Variants in SLC26A1 observed in about 807,000 individuals in gnomAD.
SLC26A1 encodes sulfate anion transporter 1.
A neutral mutation model predicts 14.5 loss-of-function variants in SLC26A1; 18 were observed. That is an observed-to-expected ratio of 1.24 (90% confidence interval 0.86 to 1.84). SLC26A1 has a LOEUF of 1.84. Among genes scored for constraint, SLC26A1 ranks in the 40% most tolerant of loss-of-function variants. The pLI is 0.00. For missense variants in SLC26A1, 1,049 were observed against 1,020.0 expected (o/e 1.03, Z -0.39); for synonymous variants, 505 against 492.0 (o/e 1.03, Z -0.35).
chr4:992,552 C>T (rs967187973), intron 1 of SLC26A1, among the ~76,000 whole-genome samples: 7 of 152,298 alleles, frequency 4.6e-5, no homozygotes, highest in African/African-American at 1.7e-4. Flanking sequence ...GGGTGACTGG[C>T]GTCTGTCTCC....
At chr4:991,827 C>T (rs1162901022) in intron 1 of SLC26A1, 97 bp from the exon 2 acceptor site, 68 of 1,532,894 alleles carry the variant, frequency 4.4e-5, no homozygotes, top group Non-Finnish European at 5.7e-5. Flanking sequence ...GCGGACCCCT[C>T]GCCCACCCAG....
Position 988,499 on chromosome 4 carries a change from G to A in SLC26A1, c.*334C>T. On this transcript the variant is annotated 3_prime_UTR_variant, in exon 3 of 3. Coordinates refer to ENST00000398516, the MANE Select transcript of SLC26A1 (RefSeq NM_022042.4). ...CTTGGCACCTTGGAGGCTGCATGAT[G>A]GCGGGGGACCCTTGTTCAAATAAGA... The A allele has an allele frequency of 8.7e-7, 1 of 1,144,122 alleles. No individual in the cohort carries two copies. Among genetic ancestry groups the A allele is most frequent in the South Asian group, 3.1e-5 (1 of 31,940 alleles). The allele number at this position is 1,144,122 out of a possible 1,614,324, so 70.9% of individuals were successfully genotyped here.
In SLC26A1 at chr4:990,657, C is replaced by A. The variant is rs919334310; in HGVS notation, c.577-295G>T. 4.3e-5 allele frequency: 20 copies of A among 467,666 alleles called. No homozygotes were observed. The East Asian group carries it at 7.4e-4, about 17-fold the overall frequency. 29.0% of individuals were successfully genotyped at this position (467,666 alleles called of 1,614,324 possible). On this transcript the variant is annotated intron_variant, in intron 2 of 2. Transcript: ENST00000398516. Reference sequence around the variant, plus strand: ...AGCCCGTTTTATTTCAGAATTAAGACCTCTGGTATCAGAAGGCAACCCCTT... The same window carrying A: ...AGCCCGTTTTATTTCAGAATTAAGAACTCTGGTATCAGAAGGCAACCCCTT...
Position 988,039 on chromosome 4 carries a change from T to C in SLC26A1, c.*794A>G. ...GCTGGGGGCTGCTCGGAAGACCCCT[T>C]GTTCCCCCACCTCCCGCCGAAGCAC... On this transcript the variant is annotated 3_prime_UTR_variant, in exon 3 of 3. Coordinates refer to ENST00000398516, the MANE Select transcript of SLC26A1 (RefSeq NM_022042.4). 1 of 1,486,496 alleles carries C rather than the reference T, an allele frequency of 6.7e-7. No homozygotes were observed. The highest frequency in any genetic ancestry group is 9.0e-7 in the Non-Finnish European group (1 of 1,114,264). 92.1% of individuals were successfully genotyped at this position (1,486,496 alleles called of 1,614,324 possible).
At chr4:987,003 T>G (rs1412324874), downstream of SLC26A1, 12 of 1,092,852 alleles carry the variant, frequency 1.1e-5, no homozygotes, top group Admixed American at 7.6e-5. Context: ...GGCGGTCACA[T>G]GGGGTGCGCG....
chr4:991,581 G>A lies in SLC26A1; in HGVS notation c.123C>T (p.Cys41=), dbSNP rs143974931. ...CCAGCGCCCGGACGCACAGCACACT[G>A]CACGAGCAGCTGCACCACAGCCTGG... ...LKARLWCSCS[C]SVLCVRALVQ... The change falls in exon 2 of 3, where the codon TGC becomes TGT. Residue 41 remains cysteine, a synonymous_variant. Transcript: ENST00000398516. 7.5e-6 allele frequency: 12 copies of A among 1,599,696 alleles called. No individual in the cohort carries two copies. Among genetic ancestry groups the A allele is most frequent in the South Asian group, 2.2e-5 (2 of 90,580 alleles).
chr4:988,983 A>G lies in SLC26A1; in HGVS notation c.1956T>C (p.Pro652=). The part of the protein sequence containing the change: ...ISLLLACCSP[P]VRDILSRGGF... ...CTCCTCTGCTCAGAATGTCTCTCAC[A>G]GGCGGGCTGCAGCAGGCTAGCAGCA... Residue 652 remains proline, a synonymous_variant, in exon 3 of 3, where the codon CCT becomes CCC. Transcript: ENST00000398516. 1 of 1,594,834 alleles carries G rather than the reference A, an allele frequency of 6.3e-7. No homozygotes were observed. The highest frequency in any genetic ancestry group is 8.5e-7 in the Non-Finnish European group (1 of 1,171,360).
At chr4:986,408 C>T (rs1221221922), downstream of SLC26A1, among the ~76,000 whole-genome samples, 11 of 152,334 alleles carry the variant, frequency 7.2e-5, no homozygotes, top group East Asian at 3.9e-4. Context: ...ACATTACCTA[C>T]GCACATCCTA....
rs1208113230 is a variant in SLC26A1, at chr4:989,585, C to T, written c.1354G>A (p.Gly452Arg). Residue 452 changes from glycine (G) to arginine (R), a missense_variant, in exon 3 of 3, where the codon GGG becomes AGG. Physicochemically the swap from Gly to Arg is moderately radical, Grantham distance 125. Coordinates refer to ENST00000398516, the MANE Select transcript of SLC26A1 (RefSeq NM_022042.4). ...AGGTCCCACACCTTGCGCAGGGCCCCCCGCAGGCTGACCACGATGACGCAG... is the reference window on the plus strand; with the variant it reads ...AGGTCCCACACCTTGCGCAGGGCCCTCCGCAGGCTGACCACGATGACGCAG... ...LACVIVVSLRGALRKVWDLPR... is the reference protein window; with the variant it reads ...LACVIVVSLRRALRKVWDLPR... 1.3e-6 allele frequency: 2 copies of T among 1,598,660 alleles called. No individual in the cohort carries two copies. Among genetic ancestry groups the T allele is most frequent in the Non-Finnish European group, 1.7e-6 (2 of 1,174,392 alleles).
At chr4:982,322 T>C (rs746908908) in intron 2 of SLC26A1, among the ~76,000 whole-genome samples, 38 of 151,950 alleles carry the variant, frequency 2.5e-4, no homozygotes, top group Non-Finnish European at 5.0e-4. Flanking sequence ...CTTGCTGTCT[T>C]CCATCTGTGG....
At chr4:982,489 A>G (rs974582724) in intron 2 of SLC26A1, among the ~76,000 whole-genome samples, 1 of 152,174 alleles carries the variant, frequency 6.6e-6, no homozygotes, top group Admixed American at 6.5e-5. Context: ...TGCTGGCCAC[A>G]CTGCTGGGGA....
Position 991,467 on chromosome 4 carries a change from G to A in SLC26A1, c.237C>T (p.Ile79=), listed in dbSNP as rs545673927. 39 of 1,612,504 alleles carry A rather than the reference G, an allele frequency of 2.4e-5. No homozygotes were observed. The East Asian group carries it at 6.7e-4, about 28-fold the overall frequency. The change falls in exon 2 of 3, where the codon ATC becomes ATT. Residue 79 remains isoleucine, a synonymous_variant. Transcript: ENST00000398516. Reference sequence around the variant, plus strand: ...TGGCCTGCGGCACCAGGATGATGCCGATGACCAGCCCAGACATGACGTCGC... The same window carrying A: ...TGGCCTGCGGCACCAGGATGATGCCAATGACCAGCCCAGACATGACGTCGC... ...LAGDVMSGLV[I]GIILVPQAIA...
rs765881732 is a variant in SLC26A1 at position 989,239 on chromosome 4, C to A, written c.1700G>T (p.Gly567Val). ...CTCCTTCCTCCTGGCAGCCATGCAC[C>A]CTGCGTCCAGCCCCGTGAGGCTGTA... is the stretch of plus-strand genomic sequence containing the variant. ...SLYSLTGLDA[G>V]CMAARRKEGG... Residue 567 changes from glycine to valine, a missense_variant, in exon 3 of 3, where the codon GGG becomes GTG. Physicochemically the swap from Gly to Val is moderately radical, Grantham distance 109. Transcript: ENST00000398516. 3 of 1,612,508 alleles carry A rather than the reference C, an allele frequency of 1.9e-6. No individual in the cohort carries two copies. Among genetic ancestry groups the A allele is most frequent in the East Asian group, 4.5e-5 (2 of 44,874 alleles).
chr4:982,177 A>C (rs1354064957), intron 2 of SLC26A1, among the ~76,000 whole-genome samples: 1 of 152,194 alleles, frequency 6.6e-6, no homozygotes. Flanking sequence ...CTCCTGGGAC[A>C]GAGGCTGTCA....
rs745769832 is a variant in SLC26A1 at position 988,848 on chromosome 4, G to A, written c.2091C>T (p.Thr697=). The A allele has an allele frequency of 1.0e-5, 16 of 1,601,138 alleles. No homozygotes were observed. The highest frequency in any genetic ancestry group is 5.1e-5 in the Admixed American group (3 of 59,054). The part of the protein sequence containing the change: ...ARARHRELEA[T]DAHL ...CCTGGCCCTGCTACAGATGGGCATC[G>A]GTGGCCTCCAGCTCCCTGTGGCGGG... The change falls in exon 3 of 3, where the codon ACC becomes ACT. Residue 697 remains threonine, a synonymous_variant. Coordinates refer to ENST00000398516, the MANE Select transcript of SLC26A1 (RefSeq NM_022042.4).
chr4:988,268 GGCTGA>G lies in SLC26A1; in HGVS notation c.*560_*564del. On this transcript the variant is annotated 3_prime_UTR_variant, in exon 3 of 3. Transcript: ENST00000398516. ...GCTGGGTAGGGCCACTGCACCTGAG[GGCTGA>G]GCTGAGGTCTCATCGGTCACAGCAC... The G allele has an allele frequency of 8.2e-7, 1 of 1,220,288 alleles. No homozygotes were observed. Among genetic ancestry groups the G allele is most frequent in the Non-Finnish European group, 1.0e-6 (1 of 970,878 alleles). 75.6% of individuals were successfully genotyped at this position (1,220,288 alleles called of 1,614,324 possible). A position where few individuals can be genotyped will look rare whatever the true frequency, so the allele number is the denominator to read the frequency against.
At chr4:979,501 A>G in exon 3 of SLC26A1, 1 of 1,613,468 alleles carries the variant, frequency 6.2e-7, no homozygotes, top group South Asian at 1.1e-5. Flanking sequence ...CTACCCCAGG[A>G]CGTCTGGAAG....
At chr4:987,352 C>A, downstream of SLC26A1, 1 of 1,088,210 alleles carries the variant, frequency 9.2e-7, no homozygotes, top group Non-Finnish European at 1.3e-6. Context: ...CCTCTGGGGC[C>A]CTGGCTCTCC....
chr4:990,228 C>T lies in SLC26A1; in HGVS notation c.711G>A (p.Pro237=), dbSNP rs375610014. Residue 237 remains proline, a synonymous_variant, in exon 3 of 3, where the codon CCG becomes CCA. Coordinates refer to ENST00000398516, the MANE Select transcript of SLC26A1 (RefSeq NM_022042.4). ...QLKHLLGVRI[P]RHQGPGMVVL... ...CCACCATGCCGGGCCCCTGGTGCCG[C>T]GGGATCCGCACGCCCAGCAGGTGTT... is the stretch of plus-strand genomic sequence containing the variant. 2.9e-4 allele frequency: 454 copies of T among 1,572,566 alleles called. No individual in the cohort carries two copies. Among genetic ancestry groups the T allele is most frequent in the Non-Finnish European group, 3.7e-4 (426 of 1,160,144 alleles).
Sources: allele counts gnomAD v4.1 joint callset (sites outside exome capture counted in the v4.1 genomes callset), GRCh38; gene constraint gnomAD v4.1.1; transcripts MANE v1.5; gene names NCBI Gene and HGNC (gene_info 2026-07-23, HGNC 2026-07-21).